EFNB2: variants seen among roughly 807,000 people sequenced by gnomAD.
EFNB2 encodes ephrin-B2.
Under a neutral mutation model 32.1 loss-of-function variants are expected in EFNB2, and 5 were observed. That is an observed-to-expected ratio of 0.16 (90% confidence interval 0.08 to 0.33). EFNB2 has a LOEUF of 0.33. Among genes scored for constraint, EFNB2 ranks in the 10% least tolerant of loss-of-function variants. EFNB2 has a pLI of 1.00. For synonymous variants in EFNB2, 168 were observed against 166.5 expected, an observed-to-expected ratio of 1.01 and a Z score of -0.07; for missense variants, 263 against 422.6, an observed-to-expected ratio of 0.62 and a Z score of 3.31.
chr13:106,497,636 G>A (rs1486032138), intron 2 of EFNB2, among the ~76,000 whole-genome samples: 6 of 151,950 alleles, frequency 3.9e-5, no homozygotes, highest in Non-Finnish European at 8.8e-5. Flanking sequence ...GGTGGGCTGC[G>A]CCTGTTAACT....
chr13:106,518,143 G>C lies in EFNB2; in HGVS notation c.123-5331C>G, dbSNP rs1028970239. The C allele has an allele frequency of 5.3e-5, 8 of 152,178 alleles. No homozygotes were observed. Among genetic ancestry groups the C allele is most frequent in the African/African-American group, 1.9e-4 (8 of 41,412 alleles). The allele number at this position is 152,178 out of a possible 1,614,324, so 9.4% of individuals were successfully genotyped here. A position where few individuals can be genotyped will look rare whatever the true frequency, so the allele number is the denominator to read the frequency against. On this transcript the variant is annotated intron_variant, in intron 1 of 4. Transcript: ENST00000646441. This position sits in a 1 kb window ranked among gnomAD's most constrained non-coding sequence, Gnocchi z 4.1. Reference sequence around the variant, plus strand: ...TCACGAGGTCAGGAGTTCAAGACCAGCCTGGCCAAGATGGTAAAACCCCGT... The same window carrying C: ...TCACGAGGTCAGGAGTTCAAGACCACCCTGGCCAAGATGGTAAAACCCCGT...
chr13:106,524,845 AT>A (rs903910083), intron 1 of EFNB2, among the ~76,000 whole-genome samples: 1 of 152,242 alleles, frequency 6.6e-6, no homozygotes, highest in Non-Finnish European at 1.5e-5. Flanking sequence ...AGAGAACTTA[AT>A]TTAATAGGAC....
In EFNB2 at chr13:106,490,015, T is replaced by C. The variant is rs1303735621; in HGVS notation, c.*3025A>G. 6.6e-6 allele frequency: 1 copy of C among 152,636 alleles called. No homozygotes were observed. Among genetic ancestry groups the C allele is most frequent in the Non-Finnish European group, 1.5e-5 (1 of 68,034 alleles). 9.5% of individuals were successfully genotyped at this position (152,636 alleles called of 1,614,324 possible). A position where few individuals can be genotyped will look rare whatever the true frequency, so the allele number is the denominator to read the frequency against. On this transcript the variant is annotated 3_prime_UTR_variant, in exon 5 of 5. Coordinates refer to ENST00000646441, the MANE Select transcript of EFNB2 (RefSeq NM_004093.4). ...AATTACGGCACAAATATGCAGCAAT[T>C]TGGCAACCTTTTATACCATTTTTTC...
At chr13:106,515,735 T>C (rs1255716247) in intron 1 of EFNB2, among the ~76,000 whole-genome samples, 5 of 152,116 alleles carry the variant, frequency 3.3e-5, no homozygotes, top group Admixed American at 2.6e-4. Flanking sequence ...GTGGACAGAG[T>C]GCAGTTGAGC....
intron 4 of EFNB2, 58 bp downstream of exon 4, chr13:106,494,823 A>G: frequency 2.3e-6 from 3 of 1,331,044 alleles, no homozygotes; most frequent in Non-Finnish European, 3.3e-6. Context: ...ACCTTTTAAG[A>G]TACTACTAAG....
chr13:106,517,704 G>C (rs547106447), intron 1 of EFNB2: 1 of 152,290 alleles, frequency 6.6e-6, no homozygotes, highest in South Asian at 2.1e-4. Flanking sequence ...TTTTCCCAGT[G>C]AATCAGTCCT....
intron 2 of EFNB2, among the ~76,000 whole-genome samples, chr13:106,499,249 C>G (rs573370105): frequency 8.0e-5 from 12 of 149,656 alleles, no homozygotes; most frequent in Admixed American, 4.0e-4. Context: ...TCCAAACCCC[C>G]CTCCTTGAAC....
At chr13:106,505,304 C>T (rs1417694122) in intron 2 of EFNB2, among the ~76,000 whole-genome samples, 1 of 152,160 alleles carries the variant, frequency 6.6e-6, no homozygotes, top group African/African-American at 2.4e-5. Flanking sequence ...GATGTTTGGA[C>T]CCAGGAGGCA....
At chr13:106,510,926 G>A (rs1879122002) in intron 2 of EFNB2, among the ~76,000 whole-genome samples, 1 of 152,106 alleles carries the variant, frequency 6.6e-6, no homozygotes, top group South Asian at 2.1e-4. Flanking sequence ...TTGAACCCAG[G>A]AGGTGGAGGT....
chr13:106,512,455 G>T, intron 2 of EFNB2, 74 bp downstream of exon 2: 1 of 982,448 alleles, frequency 1.0e-6, no homozygotes, highest in Non-Finnish European at 1.3e-6. Flanking sequence ...TAATTTTAAG[G>T]AAACAAAAAA....
At chr13:106,523,079 C>T (rs1342624313) in intron 1 of EFNB2, among the ~76,000 whole-genome samples, 2 of 152,142 alleles carry the variant, frequency 1.3e-5, no homozygotes, top group Non-Finnish European at 2.9e-5. Flanking sequence ...CCTTCCTGGG[C>T]TTCAGAGGAG....
At chr13:106,522,134 G>T (rs1879543406) in intron 1 of EFNB2, among the ~76,000 whole-genome samples, 1 of 152,072 alleles carries the variant, frequency 6.6e-6, no homozygotes, top group Non-Finnish European at 1.5e-5. Flanking sequence ...GTGGAGATTT[G>T]AAGAGTAAGG....
chr13:106,534,710 G>T (rs1880001729), intron 1 of EFNB2, 133 bp downstream of exon 1: 1 of 1,052,042 alleles, frequency 9.5e-7, no homozygotes, highest in Admixed American at 2.7e-5. Context: ...TGGGGCGGGG[G>T]TTGGGGGTGG....
At chr13:106,497,655 A>G (rs558510512) in intron 2 of EFNB2, among the ~76,000 whole-genome samples, 1 of 152,176 alleles carries the variant, frequency 6.6e-6, no homozygotes, top group South Asian at 2.1e-4. Flanking sequence ...CTCGTCATTT[A>G]CATTAGGTAT....
At chr13:106,527,640 C>T (rs1879744056) in intron 1 of EFNB2, among the ~76,000 whole-genome samples, 1 of 152,178 alleles carries the variant, frequency 6.6e-6, no homozygotes, top group Non-Finnish European at 1.5e-5. Flanking sequence ...AATCTAGAGC[C>T]ACTGCTGATT....
At chr13:106,529,449 A>T (rs931325144) in intron 1 of EFNB2, among the ~76,000 whole-genome samples, 1 of 152,208 alleles carries the variant, frequency 6.6e-6, no homozygotes, top group African/African-American at 2.4e-5. Flanking sequence ...AGTCAATGAA[A>T]TCTACCTTTG....
intron 1 of EFNB2, among the ~76,000 whole-genome samples, 156 bp downstream of exon 1, chr13:106,534,687 C>T (rs1320669004): frequency 6.6e-6 from 1 of 151,398 alleles, no homozygotes; most frequent in Non-Finnish European, 1.5e-5. Flanking sequence ...CGAGGAGTCT[C>T]CACCTAGTGA....
intron 2 of EFNB2, among the ~76,000 whole-genome samples, chr13:106,509,635 G>C (rs1290098796): frequency 1.6e-4 from 9 of 55,474 alleles, no homozygotes; most frequent in African/African-American, 9.0e-4. Context: ...GACTGTGTGT[G>C]TGTGTGTGTG....
chr13:106,495,474 T>C (rs903659310), intron 3 of EFNB2, among the ~76,000 whole-genome samples: 15 of 142,512 alleles, frequency 1.1e-4, no homozygotes, highest in Non-Finnish European at 2.1e-4. Context: ...AAAAGAAATA[T>C]CTATCTATCT....
Sources: allele counts gnomAD v4.1 joint callset (sites outside exome capture counted in the v4.1 genomes callset), GRCh38; gene constraint gnomAD v4.1.1; non-coding constraint Gnocchi (gnomAD v3.1); transcripts MANE v1.5; gene names NCBI Gene and HGNC (gene_info 2026-07-23, HGNC 2026-07-21).